Variants in ZC4H2 observed in about 807,000 individuals in gnomAD.
ZC4H2 encodes zinc finger C4H2 domain-containing protein.
For synonymous variants in ZC4H2, 84 were observed against 66.3 expected, an observed-to-expected ratio of 1.27 and a Z score of -1.30; for missense variants, 137 against 173.9, an observed-to-expected ratio of 0.79 and a Z score of 1.19.
chrX:65,009,137 A>C (rs903199590), intron 1 of ZC4H2, among the ~76,000 whole-genome samples: 4 of 111,577 alleles, frequency 3.6e-5, no homozygotes, highest in African/African-American at 6.5e-5. Flanking sequence ...TTTTTTTATA[A>C]AGTAATTAGC....
At chrX:64,993,905 G>A (rs913557540) in intron 1 of ZC4H2, among the ~76,000 whole-genome samples, 2 of 111,975 alleles carry the variant, frequency 1.8e-5, no homozygotes, top group African/African-American at 6.5e-5. Context: ...TTACAGATGA[G>A]GAAACTCAGA....
At chrX:65,005,425 C>T (rs979362911) in intron 1 of ZC4H2, among the ~76,000 whole-genome samples, 2 of 111,163 alleles carry the variant, frequency 1.8e-5, no homozygotes, top group Non-Finnish European at 3.8e-5. Context: ...GAAATAATGC[C>T]ACACATCTAG....
intron 1 of ZC4H2, among the ~76,000 whole-genome samples, chrX:65,007,231 A>T (rs1322382812): frequency 1.8e-5 from 2 of 112,371 alleles, no homozygotes; most frequent in African/African-American, 3.2e-5. Context: ...CGTTTCCTTT[A>T]AAAAGGGCCA....
At chrX:64,938,179 A>G (rs1011273013) in intron 1 of ZC4H2, among the ~76,000 whole-genome samples, 5 of 112,146 alleles carry the variant, frequency 4.5e-5, no homozygotes, top group Non-Finnish European at 9.4e-5. Context: ...AAACTAGAAA[A>G]TCTAGAAGAA....
At position 64,984,619 on chromosome X, in the gene ZC4H2, G is replaced by A. The variant is rs1290797411; in HGVS notation, c.-272+50010C>T. The stretch of plus-strand genomic sequence containing the variant: ...AAAATACCTCAGACACCAATCTTAG[G>A]TTTTATAACAGTGATGTTATCTATA... On this transcript the variant is annotated intron_variant, in intron 1 of 4. Transcript: ENST00000337990. 9.9e-5 allele frequency among the ~76,000 whole-genome samples: 11 copies of A among 111,343 alleles called. No homozygotes were observed. The Admixed American group carries it at 1.0e-3, about 11-fold the overall frequency.
At chrX:64,943,931 G>A (rs767970791) in intron 1 of ZC4H2, among the ~76,000 whole-genome samples, 20 of 110,650 alleles carry the variant, frequency 1.8e-4, no homozygotes, top group African/African-American at 6.3e-4. Context: ...AGTGTCATTG[G>A]TTTTTGTATT....
intron 1 of ZC4H2, among the ~76,000 whole-genome samples, chrX:64,990,795 G>A (rs962101431): frequency 1.3e-4 from 14 of 110,933 alleles, no homozygotes; most frequent in Admixed American, 5.8e-4. Context: ...CCCCTCAGAT[G>A]AATTATTCTC....
At chrX:64,954,289 A>C (rs1196090335) in intron 1 of ZC4H2, among the ~76,000 whole-genome samples, 1 of 88,983 alleles carries the variant, frequency 1.1e-5, no homozygotes. Flanking sequence ...TGCACATTGT[A>C]CACATGTACC....
At chrX:64,974,965 G>A (rs1413410417) in intron 1 of ZC4H2, among the ~76,000 whole-genome samples, 1 of 69,037 alleles carries the variant, frequency 1.4e-5, no homozygotes, top group African/African-American at 8.0e-5. Context: ...AGCTTCTGAT[G>A]CTTTTGCCAA....
At chrX:64,964,065 T>C (rs1303892286) in intron 1 of ZC4H2, among the ~76,000 whole-genome samples, 2 of 110,900 alleles carry the variant, frequency 1.8e-5, no homozygotes, top group South Asian at 3.8e-4. Context: ...CTATTCAATA[T>C]GTATAAAGTT....
intron 1 of ZC4H2, among the ~76,000 whole-genome samples, chrX:65,030,292 AT>A (rs910841530): frequency 1.9e-5 from 2 of 107,164 alleles, no homozygotes; most frequent in South Asian, 8.3e-4. Context: ...TAATTTTTGT[AT>A]TTTTTTTTGT....
At chrX:64,943,412 T>A (rs1014523413) in intron 1 of ZC4H2, among the ~76,000 whole-genome samples, 1 of 111,878 alleles carries the variant, frequency 8.9e-6, no homozygotes, top group East Asian at 2.8e-4. Context: ...CATTGATATG[T>A]CTAACATTGA....
chrX:64,944,128 T>A (rs1930418346), intron 1 of ZC4H2, among the ~76,000 whole-genome samples: 1 of 103,304 alleles, frequency 9.7e-6, no homozygotes, highest in Non-Finnish European at 1.9e-5. Context: ...GGGTTAAAAT[T>A]TTTTTCTTTT....
chrX:65,016,553 G>A (rs1932798728), intron 1 of ZC4H2, among the ~76,000 whole-genome samples: 1 of 111,912 alleles, frequency 8.9e-6, no homozygotes, highest in African/African-American at 3.2e-5. Flanking sequence ...ATAAGTACCT[G>A]CTAGAATAAA....
chrX:64,926,580 T>C (rs1470366883), intron 1 of ZC4H2, among the ~76,000 whole-genome samples: 1 of 112,306 alleles, frequency 8.9e-6, no homozygotes, highest in Non-Finnish European at 1.9e-5. Context: ...TATGTAGTGA[T>C]ACTTCAAAGT....
At chrX:64,927,078 G>T (rs1929455957) in intron 1 of ZC4H2, among the ~76,000 whole-genome samples, 1 of 111,452 alleles carries the variant, frequency 9.0e-6, no homozygotes, top group South Asian at 3.8e-4. Context: ...CCTTGAAAGG[G>T]TCTTTGGAAG....
At chrX:64,929,690 T>G (rs777683804) in intron 1 of ZC4H2, among the ~76,000 whole-genome samples, 1 of 111,662 alleles carries the variant, frequency 9.0e-6, no homozygotes, top group Non-Finnish European at 1.9e-5. Context: ...GTATTTGGCC[T>G]TATTTCTGGG....
intron 1 of ZC4H2, among the ~76,000 whole-genome samples, chrX:64,953,458 C>G (rs1229865973): frequency 1.8e-5 from 2 of 112,013 alleles, no homozygotes; most frequent in African/African-American, 6.5e-5. Flanking sequence ...CTGCAAAGAA[C>G]TGAAACAAAT....
At chrX:64,978,473 G>A (rs1569222579), upstream of ZC4H2, among the ~76,000 whole-genome samples, 1 of 111,853 alleles carries the variant, frequency 8.9e-6, no homozygotes, top group African/African-American at 3.3e-5. Context: ...GCTCTGTCCC[G>A]TAAGGGGAGG....
Sources: gnomAD v4.1 joint callset for allele counts (sites outside exome capture counted in the v4.1 genomes callset) on GRCh38, gnomAD v4.1.1 for gene constraint, MANE v1.5 for transcripts, NCBI Gene and HGNC (gene_info 2026-07-23, HGNC 2026-07-21) for gene names.